The following SCARB1 variants were observed in gnomAD, a reference collection of about 807,000 sequenced individuals.
The protein encoded by SCARB1 is scavenger receptor class B member 1.
A neutral mutation model predicts 57.2 loss-of-function variants in SCARB1; 30 were observed. That is an observed-to-expected ratio of 0.52 (90% confidence interval 0.39 to 0.71). The LOEUF is 0.71. Among genes scored for constraint, SCARB1 ranks in the 30% least tolerant of loss-of-function variants. SCARB1 has a pLI of 0.00. For synonymous variants in SCARB1, 249 were observed against 268.3 expected (o/e 0.93, Z 0.70); for missense variants, 543 against 671.2 (o/e 0.81, Z 2.11).
Position 124,789,963 on chromosome 12 carries a change from A to C in SCARB1, c.1203-2506T>G, listed in dbSNP as rs994053815. Among the ~76,000 whole-genome samples, 1 of 145,390 alleles carries C rather than the reference A, an allele frequency of 6.9e-6. No homozygotes were observed. The highest frequency in any genetic ancestry group is 1.5e-5 in the Non-Finnish European group (1 of 67,608). On this transcript the variant is annotated intron_variant, in intron 9 of 12. Transcript: ENST00000261693. This position sits in a 1 kb window ranked among gnomAD's most constrained non-coding sequence, Gnocchi z 4.4. ...GAGTCAGAGGTTGCAGTGAGCGGAG[A>C]TCATGCCATTGCACTCCAGCCTGGC...
intron 4 of SCARB1, among the ~76,000 whole-genome samples, chr12:124,813,299 C>T (rs1220076935): frequency 6.6e-6 from 1 of 152,142 alleles, no homozygotes; most frequent in Non-Finnish European, 1.5e-5. Context: ...TTTTTTCCTT[C>T]TTGCTGTGCT....
chr12:124,859,400 A>G (rs1261674070), intron 1 of SCARB1, among the ~76,000 whole-genome samples: 2 of 152,024 alleles, frequency 1.3e-5, no homozygotes, highest in Non-Finnish European at 2.9e-5. Context: ...GTGTGGTGGC[A>G]GGCACCTGCA....
Position 124,789,683 on chromosome 12 carries a change from C to A in SCARB1, c.1203-2226G>T, listed in dbSNP as rs969398624. ...AGAAAGAAAAACGAAAAAACAAAAA[C>A]AAATTTTAAAACCCTAAAAAAAGAA... is the stretch of plus-strand genomic sequence containing the variant. On this transcript the variant is annotated intron_variant, in intron 9 of 12. Coordinates refer to ENST00000261693, the MANE Select transcript of SCARB1 (RefSeq NM_005505.5). The surrounding 1 kb of genome is among the most constrained non-coding windows in gnomAD (Gnocchi z 4.4). Among the ~76,000 whole-genome samples, 2 of 152,146 alleles carry A rather than the reference C, an allele frequency of 1.3e-5. No individual in the cohort carries two copies. Among genetic ancestry groups the A allele is most frequent in the African/African-American group, 4.8e-5 (2 of 41,438 alleles).
intron 1 of SCARB1, among the ~76,000 whole-genome samples, chr12:124,837,589 AAAAG>A (rs1951735576): frequency 1.7e-4 from 1 of 5,922 alleles, no homozygotes; most frequent in Non-Finnish European, 6.2e-3. Flanking sequence ...AAAAGAAAAG[AAAAG>A]AAAAGTCAGC....
At chr12:124,827,369 G>A (rs1402010688) in intron 1 of SCARB1, among the ~76,000 whole-genome samples, 12 of 152,084 alleles carry the variant, frequency 7.9e-5, no homozygotes, top group Admixed American at 7.9e-4. Flanking sequence ...CTCATACAAC[G>A]TCTGGAATTT....
Position 124,822,894 on chromosome 12 carries a change from A to C in SCARB1, c.127-5187T>G, listed in dbSNP as rs1263056917. 1.3e-5 allele frequency among the ~76,000 whole-genome samples: 2 copies of C among 152,230 alleles called. No homozygotes were observed. The highest frequency in any genetic ancestry group is 2.9e-5 in the Non-Finnish European group (2 of 68,042). ...CAAAGCAAGACCCTGTCTGAAAAAAACAACAGCAACACCACCACCCATGAC... is the reference window on the plus strand; with the variant it reads ...CAAAGCAAGACCCTGTCTGAAAAAACCAACAGCAACACCACCACCCATGAC... On this transcript the variant is annotated intron_variant, in intron 1 of 12. Transcript: ENST00000261693. The surrounding 1 kb of genome is among the most constrained non-coding windows in gnomAD (Gnocchi z 5.0).
In SCARB1 at chr12:124,816,428, C is replaced by G. The variant is rs75466305; in HGVS notation, c.284+1122G>C. 7.8e-3 allele frequency among the ~76,000 whole-genome samples: 1,195 copies of G among 152,330 alleles called. 20 individuals are homozygous for G. Among genetic ancestry groups the G allele is most frequent in the African/African-American group, 0.026 (1,076 of 41,574 alleles). On this transcript the variant is annotated intron_variant, in intron 2 of 12. Coordinates refer to ENST00000261693, the MANE Select transcript of SCARB1 (RefSeq NM_005505.5). The stretch of plus-strand genomic sequence containing the variant: ...CTGTACTTAGAACGGCAGCCAACAC[C>G]TAGCAGGTGCTCAGTAAACATTTGT...
At chr12:124,829,158 C>T (rs186872001) in intron 1 of SCARB1, among the ~76,000 whole-genome samples, 5 of 152,192 alleles carry the variant, frequency 3.3e-5, no homozygotes, top group Non-Finnish European at 5.9e-5. Context: ...GTTGCTTAAG[C>T]GAAGAGGTTG....
At chr12:124,824,321 C>T (rs539226811) in intron 1 of SCARB1, among the ~76,000 whole-genome samples, 9 of 152,164 alleles carry the variant, frequency 5.9e-5, no homozygotes, top group Non-Finnish European at 1.2e-4. Flanking sequence ...ACCACACTTA[C>T]GAAATGCCCA....
intron 1 of SCARB1, among the ~76,000 whole-genome samples, chr12:124,823,590 C>T (rs1025742457): frequency 3.9e-5 from 6 of 152,120 alleles, no homozygotes; most frequent in African/African-American, 7.2e-5. Context: ...AACGATCAAA[C>T]GCAAAGTTAC....
intron 1 of SCARB1, among the ~76,000 whole-genome samples, chr12:124,856,111 C>T (rs1473038142): frequency 1.3e-5 from 2 of 152,242 alleles, no homozygotes; most frequent in Non-Finnish European, 2.9e-5. Context: ...TCCTGGAAAC[C>T]CCAGGTGCTG....
chr12:124,831,117 A>C lies in SCARB1; in HGVS notation c.127-13410T>G, dbSNP rs577631154. On this transcript the variant is annotated intron_variant, in intron 1 of 12. Transcript: ENST00000261693. ...CAGCCCCCCAAGTAGCTGGGATTAC[A>C]GATGCCCGCCACCACACCTGGCTAA... is the stretch of plus-strand genomic sequence containing the variant. Among the ~76,000 whole-genome samples the C allele has an allele frequency of 2.6e-5, 4 of 152,246 alleles. No individual in the cohort carries two copies. The South Asian group carries it at 6.2e-4, about 24-fold the overall frequency.
intron 1 of SCARB1, among the ~76,000 whole-genome samples, chr12:124,834,860 A>AT (rs1258921772): frequency 2.6e-5 from 4 of 152,092 alleles, no homozygotes; most frequent in African/African-American, 9.7e-5. Context: ...GTGAGCTGTG[A>AT]TTGCACCACT....
intron 1 of SCARB1, among the ~76,000 whole-genome samples, chr12:124,863,043 T>C (rs1001787061): frequency 1.4e-4 from 22 of 152,086 alleles, no homozygotes; most frequent in African/African-American, 5.3e-4. Context: ...TGGGAGAGGG[T>C]TCCTATGGGG....
Position 124,811,937 on chromosome 12 carries a change from G to A in SCARB1, c.659C>T (p.Thr220Met), listed in dbSNP as rs1010535276. 1.2e-6 allele frequency: 2 copies of A among 1,613,182 alleles called. No homozygotes were observed. The highest frequency in any genetic ancestry group is 8.5e-7 in the Non-Finnish European group (1 of 1,179,588). ...ELNNSDSGLF[T>M]VFTGVQNISR... The stretch of plus-strand genomic sequence containing the variant: ...GATGTTCTGGACCCCCGTGAACACC[G>A]TGAAGAGCCCAGAGTCGGAGTTGTT... Residue 220 changes from threonine (T) to methionine (M), a missense_variant, in exon 5 of 13, where the codon ACG becomes ATG. Physicochemically the swap from Thr to Met is moderately conservative, Grantham distance 81. Transcript: ENST00000261693.
At position 124,811,857 on chromosome 12, in the gene SCARB1, T is replaced by G. The variant is rs775653998; in HGVS notation, c.726+13A>C. ...CTCCCTGGCGACAGGGGCCCTCGCC[T>G]CTCGCCCCTCACCTTGCTCAGCCCG... On this transcript the variant is annotated intron_variant, in intron 5 of 12. Coordinates refer to ENST00000261693, the MANE Select transcript of SCARB1 (RefSeq NM_005505.5). The G allele has an allele frequency of 2.4e-5, 39 of 1,598,010 alleles. No homozygotes were observed. The highest frequency in any genetic ancestry group is 3.1e-5 in the Non-Finnish European group (36 of 1,169,668).
At chr12:124,798,240 G>A (rs1369334903) in intron 8 of SCARB1, among the ~76,000 whole-genome samples, 8 of 152,096 alleles carry the variant, frequency 5.3e-5, no homozygotes, top group African/African-American at 1.2e-4. Flanking sequence ...GTGAAATCCC[G>A]TCTCCACTAA....
chr12:124,859,250 G>A (rs1163986132), intron 1 of SCARB1, among the ~76,000 whole-genome samples: 5 of 152,132 alleles, frequency 3.3e-5, no homozygotes, highest in African/African-American at 7.2e-5. Context: ...AATAATGGCC[G>A]GGCATGGTGG....
Position 124,859,332 on chromosome 12 carries a change from C to G in SCARB1, c.126+4263G>C, listed in dbSNP as rs147070985. On this transcript the variant is annotated intron_variant, in intron 1 of 12. Transcript: ENST00000261693. ...CACAAGGTCAGGAGATCAAGACCAT[C>G]CCGGCTAACACGGTGAAACCCCATC... 3.7e-3 allele frequency among the ~76,000 whole-genome samples: 562 copies of G among 152,242 alleles called. 2 individuals carry two copies. The highest frequency in any genetic ancestry group is 0.013 in the African/African-American group (530 of 41,554).
Sources: allele counts gnomAD v4.1 joint callset (sites outside exome capture counted in the v4.1 genomes callset), GRCh38; gene constraint gnomAD v4.1.1; non-coding constraint Gnocchi (gnomAD v3.1); transcripts MANE v1.5; gene names NCBI Gene and HGNC (gene_info 2026-07-23, HGNC 2026-07-21).